FILIP1L: variants seen among roughly 807,000 people sequenced by gnomAD.
The protein encoded by FILIP1L is filamin A interacting protein 1 like.
In FILIP1L, 55 loss-of-function variants were observed where a neutral mutation model predicts 96.6. The observed-to-expected ratio is 0.57, with a 90% CI of 0.46 to 0.71. The LOEUF is 0.71. FILIP1L is among the 30% of genes least tolerant of loss of function. The pLI, the probability that FILIP1L is intolerant of heterozygous loss-of-function variation, is 0.00. For synonymous variants in FILIP1L, 467 were observed against 473.9 expected (o/e 0.99, Z 0.19); for missense variants, 1,304 against 1,321.2 (o/e 0.99, Z 0.20).
chr3:99,865,284 A>C (rs1246235324), intron 4 of FILIP1L, among the ~76,000 whole-genome samples: 1 of 152,234 alleles, frequency 6.6e-6, no homozygotes, highest in Non-Finnish European at 1.5e-5. Context: ...TGGCAGAGCC[A>C]GAATGCCAGT....
chr3:100,065,169 C>T (rs2065642775), intron 1 of FILIP1L, among the ~76,000 whole-genome samples: 1 of 152,114 alleles, frequency 6.6e-6, no homozygotes, highest in African/African-American at 2.4e-5. Flanking sequence ...TGTAACAATG[C>T]GGGTTCCCAG....
chr3:100,082,748 A>C (rs1001697860), intron 1 of FILIP1L, among the ~76,000 whole-genome samples: 1 of 152,146 alleles, frequency 6.6e-6, no homozygotes, highest in African/African-American at 2.4e-5. Flanking sequence ...TTATTGTTAC[A>C]TGTTTCTGTT....
intron 1 of FILIP1L, among the ~76,000 whole-genome samples, chr3:100,091,153 C>T (rs1200648957): frequency 1.3e-5 from 2 of 151,704 alleles, no homozygotes; most frequent in Non-Finnish European, 2.9e-5. Flanking sequence ...GGCATGGTGG[C>T]GGGCACCTGT....
intron 4 of FILIP1L, among the ~76,000 whole-genome samples, chr3:99,884,663 T>C (rs1040493913): frequency 6.6e-6 from 1 of 152,174 alleles, no homozygotes. Context: ...AGGAAATGAA[T>C]GAAAGGAAGT....
At chr3:100,085,786 A>T (rs1187536074) in intron 1 of FILIP1L, among the ~76,000 whole-genome samples, 3 of 152,214 alleles carry the variant, frequency 2.0e-5, no homozygotes, top group Non-Finnish European at 2.9e-5. Context: ...GTGGCCAAAT[A>T]AAAGAAGTTA....
At position 99,848,962 on chromosome 3, in the gene FILIP1L, T is replaced by A. The variant is rs1943512469; in HGVS notation, c.2714A>T (p.Lys905Met). 2 of 1,614,026 alleles carry A rather than the reference T, an allele frequency of 1.2e-6. No individual in the cohort carries two copies. The highest frequency in any genetic ancestry group is 1.7e-6 in the Non-Finnish European group (2 of 1,180,010). Residue 905 changes from lysine (K) to methionine (M), a missense_variant, in exon 5 of 6, where the codon AAG becomes ATG. By Grantham distance (95) the Lys-to-Met change is moderately conservative (BLOSUM62 -1). Transcript: ENST00000477258. ...SHTPGQPLHIKVTPDHVQNTA... is the reference protein window; with the variant it reads ...SHTPGQPLHIMVTPDHVQNTA... The stretch of plus-strand genomic sequence containing the variant: ...GTTTTGTACATGGTCTGGAGTAACC[T>A]TTATATGAAGTGGCTGCCCAGGTGT...
chr3:99,841,527 A>G (rs186422545), intron 5 of FILIP1L, among the ~76,000 whole-genome samples: 2 of 152,258 alleles, frequency 1.3e-5, no homozygotes, highest in Non-Finnish European at 2.9e-5. Flanking sequence ...ACCTCCACCT[A>G]TCCAAAAGCC....
At chr3:99,961,339 T>C (rs1419395619) in intron 1 of FILIP1L, among the ~76,000 whole-genome samples, 1 of 152,206 alleles carries the variant, frequency 6.6e-6, no homozygotes, top group Non-Finnish European at 1.5e-5. Flanking sequence ...ACCCCAATAC[T>C]CCATGGGGTG....
chr3:99,970,363 G>A (rs1025142542), intron 1 of FILIP1L, among the ~76,000 whole-genome samples: 8 of 152,244 alleles, frequency 5.3e-5, no homozygotes, highest in African/African-American at 1.9e-4. Flanking sequence ...TGAGGTGGAT[G>A]AGACCAAACT....
intron 1 of FILIP1L, among the ~76,000 whole-genome samples, chr3:99,936,961 G>C (rs1308268018): frequency 6.6e-6 from 1 of 151,954 alleles, no homozygotes; most frequent in African/African-American, 2.4e-5. Context: ...TTTTGAGACG[G>C]AGTTTTGCTC....
chr3:100,084,289 T>C (rs2065973412), intron 1 of FILIP1L, among the ~76,000 whole-genome samples: 2 of 152,200 alleles, frequency 1.3e-5, no homozygotes, highest in South Asian at 4.1e-4. Flanking sequence ...CTGCTATTTT[T>C]CACTAGCCCA....
intron 4 of FILIP1L, among the ~76,000 whole-genome samples, chr3:99,910,900 G>C (rs957976858): frequency 2.0e-5 from 3 of 152,158 alleles, no homozygotes; most frequent in Non-Finnish European, 4.4e-5. Context: ...TATTCTCTAA[G>C]TAAGGTTAGC....
At chr3:99,895,568 A>G (rs1035269948) in intron 4 of FILIP1L, among the ~76,000 whole-genome samples, 1 of 152,286 alleles carries the variant, frequency 6.6e-6, no homozygotes, top group African/African-American at 2.4e-5. Flanking sequence ...TCACAATAGC[A>G]TAACTATGAA....
intron 4 of FILIP1L, among the ~76,000 whole-genome samples, chr3:99,859,272 TTC>T (rs1944123295): frequency 6.6e-6 from 1 of 152,238 alleles, no homozygotes; most frequent in African/African-American, 2.4e-5. Flanking sequence ...TATTTGTCAG[TTC>T]TTTTTTCCCC....
chr3:100,016,409 T>G (rs952994559), intron 1 of FILIP1L, among the ~76,000 whole-genome samples: 1 of 152,192 alleles, frequency 6.6e-6, no homozygotes, highest in Non-Finnish European at 1.5e-5. Flanking sequence ...CAGGCTGGTC[T>G]CAAATTCCTG....
chr3:99,834,565 A>C (rs948683709), intron 5 of FILIP1L, among the ~76,000 whole-genome samples: 1 of 152,234 alleles, frequency 6.6e-6, no homozygotes, highest in African/African-American at 2.4e-5. Flanking sequence ...TGTTAAAATA[A>C]AATATACTAA....
intron 4 of FILIP1L, among the ~76,000 whole-genome samples, chr3:99,897,800 C>T (rs1706306941): frequency 6.6e-6 from 1 of 152,128 alleles, no homozygotes; most frequent in South Asian, 2.1e-4. Flanking sequence ...TAGAGGGATT[C>T]TGTAAGAGAA....
intron 5 of FILIP1L, among the ~76,000 whole-genome samples, chr3:99,839,445 A>T (rs1023804647): frequency 1.3e-5 from 2 of 152,194 alleles, no homozygotes; most frequent in African/African-American, 4.8e-5. Context: ...GTTATAAGCT[A>T]ATAATACACA....
At chr3:100,111,120 T>G (rs1453303568) in intron 1 of FILIP1L, among the ~76,000 whole-genome samples, 1 of 152,110 alleles carries the variant, frequency 6.6e-6, no homozygotes, top group Non-Finnish European at 1.5e-5. Flanking sequence ...AGGCAGTAGC[T>G]TATATCTCTT....
Sources: allele counts gnomAD v4.1 joint callset (sites outside exome capture counted in the v4.1 genomes callset), GRCh38; gene constraint gnomAD v4.1.1; transcripts MANE v1.5; gene names NCBI Gene and HGNC (gene_info 2026-07-23, HGNC 2026-07-21).